DNAAF4: variants seen among roughly 807,000 people sequenced by gnomAD.
The protein encoded by DNAAF4 is dynein assembly factor 4, axonemal.
DNAAF4 carries 43 observed loss-of-function variants against 51.8 expected under a neutral mutation model. The observed-to-expected ratio is 0.83, with a 90% CI of 0.65 to 1.07. The LOEUF is 1.07. Ranked by LOEUF, DNAAF4 falls within the 50% of genes least tolerant of loss-of-function variation. The pLI, the probability that DNAAF4 is intolerant of heterozygous loss-of-function variation, is 0.00. For missense variants in DNAAF4, 581 were observed against 493.0 expected (o/e 1.18, Z -1.69); for synonymous variants, 194 against 165.6 (o/e 1.17, Z -1.32).
chr15:55,452,243 C>CAAAAA (rs2057945084), intron 5 of DNAAF4, among the ~76,000 whole-genome samples: 1 of 9,698 alleles, frequency 1.0e-4, no homozygotes, highest in Admixed American at 1.6e-3. Context: ...GCATGTCTCA[C>CAAAAA]TAAAAAAAAA....
intron 6 of DNAAF4, among the ~76,000 whole-genome samples, chr15:55,443,963 A>T (rs1323040030): frequency 6.6e-6 from 1 of 151,856 alleles, no homozygotes; most frequent in Non-Finnish European, 1.5e-5. Flanking sequence ...AGATGAGTAG[A>T]TTGCAAAAAT....
At chr15:55,424,714 C>T (rs1363102518) in intron 7 of DNAAF4, among the ~76,000 whole-genome samples, 6 of 152,114 alleles carry the variant, frequency 3.9e-5, no homozygotes, top group African/African-American at 1.4e-4. Context: ...AGGCATGCGC[C>T]ACCATGCCCA....
chr15:55,497,904 T>C, intron 2 of DNAAF4, 45 bp from the exon 3 acceptor site: 1 of 1,563,092 alleles, frequency 6.4e-7, no homozygotes, highest in Non-Finnish European at 8.7e-7. Flanking sequence ...TTACACAAAT[T>C]AAGCACGCGT....
intron 4 of DNAAF4, among the ~76,000 whole-genome samples, chr15:55,487,369 C>T (rs979959825): frequency 3.3e-5 from 5 of 151,758 alleles, no homozygotes; most frequent in South Asian, 2.1e-4. Context: ...CAATTGTAAA[C>T]GCACCAATCA....
At position 55,446,298 on chromosome 15, in the gene DNAAF4, G is replaced by GCGGGGA; in HGVS notation, c.783+3923_783+3924insTCCCCG. On this transcript the variant is annotated intron_variant, in intron 6 of 9. Coordinates refer to ENST00000321149, the MANE Select transcript of DNAAF4 (RefSeq NM_130810.4). ...AGAGGCGCTCCTCACATCCCAGACG[G>GCGGGGA]GGGGGGGGGGCAGCTGGGCAGAGGC... Among the ~76,000 whole-genome samples, 44 of 94,326 alleles carry GCGGGGA rather than the reference G, an allele frequency of 4.7e-4. 6 individuals are homozygous for GCGGGGA. The highest frequency in any genetic ancestry group is 2.2e-3 in the African/African-American group (43 of 19,260). The allele number at this position is 94,326 out of a possible 152,430, so 61.9% of individuals were successfully genotyped here. A position where few individuals can be genotyped will look rare whatever the true frequency, so the allele number is the denominator to read the frequency against.
At chr15:55,455,384 T>C (rs1026117135) in intron 5 of DNAAF4, among the ~76,000 whole-genome samples, 29 of 43,850 alleles carry the variant, frequency 6.6e-4, no homozygotes, top group African/African-American at 2.9e-3. Flanking sequence ...TATTAGCAAA[T>C]TGAATATATA....
chr15:55,501,012 AAT>A (rs2058694392), intron 1 of DNAAF4, among the ~76,000 whole-genome samples: 1 of 135,996 alleles, frequency 7.4e-6, no homozygotes, highest in African/African-American at 3.4e-5. Context: ...AAAAAAAAAA[AAT>A]GGAAACTTAA....
intron 1 of DNAAF4, among the ~76,000 whole-genome samples, chr15:55,505,326 T>C (rs1039615581): frequency 6.6e-6 from 1 of 152,140 alleles, no homozygotes; most frequent in Non-Finnish European, 1.5e-5. Flanking sequence ...GGTGGGAGTG[T>C]AAATTAGTTC....
chr15:55,476,200 C>T (rs1468993425), intron 4 of DNAAF4, among the ~76,000 whole-genome samples: 1 of 152,084 alleles, frequency 6.6e-6, no homozygotes, highest in South Asian at 2.1e-4. Flanking sequence ...GGAGGTGGCT[C>T]GCACCTGCAA....
rs1567000369 is a variant in DNAAF4, at chr15:55,433,896, T to TATA, written c.1047+1006_1047+1008dup. 6.4e-3 allele frequency among the ~76,000 whole-genome samples: 267 copies of TATA among 41,772 alleles called. 24 individuals carry two copies. The highest frequency in any genetic ancestry group is 7.5e-3 in the Non-Finnish European group (194 of 25,742). 27.4% of individuals were successfully genotyped at this position (41,772 alleles called of 152,430 possible). On this transcript the variant is annotated intron_variant, in intron 8 of 9. Transcript: ENST00000321149. ...TATATTACATATATTATATATATAT[T>TATA]ATATATATTATATATAATTATATAT...
intron 9 of DNAAF4, among the ~76,000 whole-genome samples, 194 bp downstream of exon 9, chr15:55,432,298 ATTCTC>A (rs1030380996): frequency 1.3e-5 from 2 of 152,174 alleles, no homozygotes; most frequent in Admixed American, 6.5e-5. Context: ...ACTTATTTTA[ATTCTC>A]TTCTACAATG....
chr15:55,431,834 C>G (rs1375868812), intron 9 of DNAAF4, among the ~76,000 whole-genome samples: 1 of 151,768 alleles, frequency 6.6e-6, no homozygotes, highest in Non-Finnish European at 1.5e-5. Flanking sequence ...CCAAGCTGGT[C>G]TCAAACTCCT....
intron 4 of DNAAF4, among the ~76,000 whole-genome samples, chr15:55,484,506 A>T (rs2058459763): frequency 6.6e-6 from 1 of 151,594 alleles, no homozygotes; most frequent in East Asian, 1.9e-4. Context: ...AAAAAAAAAC[A>T]GAATTACCAT....
chr15:55,450,838 C>T (rs2057921033), intron 5 of DNAAF4, among the ~76,000 whole-genome samples: 2 of 152,220 alleles, frequency 1.3e-5, no homozygotes. Context: ...TGGCTCATGT[C>T]TGTAATCACA....
chr15:55,497,382 T>C (rs981023107), intron 3 of DNAAF4, among the ~76,000 whole-genome samples: 2 of 151,882 alleles, frequency 1.3e-5, no homozygotes, highest in African/African-American at 4.8e-5. Context: ...GATCACTTAA[T>C]GACCGGTCAG....
chr15:55,453,548 C>CTTTTTT (rs1228330492), intron 5 of DNAAF4, among the ~76,000 whole-genome samples: 1 of 115,674 alleles, frequency 8.6e-6, no homozygotes, highest in African/African-American at 3.4e-5. Flanking sequence ...AAAAACAGTT[C>CTTTTTT]TTTTTTTTTT....
In DNAAF4 at chr15:55,433,793, ATATT is replaced by A. The variant is rs556542349; in HGVS notation, c.1047+1108_1047+1111del. Among the ~76,000 whole-genome samples the A allele has an allele frequency of 7.2e-3, 723 of 100,488 alleles. 9 individuals are homozygous for A. Among genetic ancestry groups the A allele is most frequent in the African/African-American group, 0.024 (616 of 26,204 alleles). The allele number at this position is 100,488 out of a possible 152,430, so 65.9% of individuals were successfully genotyped here. On this transcript the variant is annotated intron_variant, in intron 8 of 9. Transcript: ENST00000321149. ...AATTGTTTTTATAAAACAAATATAT[ATATT>A]TGTTTTATATATATAATATATATTA...
intron 4 of DNAAF4, among the ~76,000 whole-genome samples, chr15:55,475,888 A>C (rs188701346): frequency 2.7e-4 from 41 of 152,264 alleles, no homozygotes; most frequent in African/African-American, 9.9e-4. Context: ...CCTGGTTAGG[A>C]TAAGTGCTTA....
intron 4 of DNAAF4, among the ~76,000 whole-genome samples, chr15:55,470,414 G>A (rs1169199294): frequency 6.6e-6 from 1 of 152,100 alleles, no homozygotes; most frequent in African/African-American, 2.4e-5. Flanking sequence ...GAGATGTCTA[G>A]GGAAAGATAC....
Sources: gnomAD v4.1 joint callset for allele counts (sites outside exome capture counted in the v4.1 genomes callset) on GRCh38, gnomAD v4.1.1 for gene constraint, MANE v1.5 for transcripts, NCBI Gene and HGNC (gene_info 2026-07-23, HGNC 2026-07-21) for gene names.